Variants in THSD7A observed in about 807,000 individuals in gnomAD.
The protein encoded by THSD7A is thrombospondin type 1 domain containing 7A, also known as thrombospondin type-1 domain-containing protein 7A.
In THSD7A, 96 loss-of-function variants were observed where a neutral mutation model predicts 231.3. The ratio of observed to expected loss-of-function variants is 0.41; its 90% CI spans 0.35 to 0.49. The LOEUF (loss-of-function observed/expected upper bound fraction) is 0.49, where lower values mean the gene tolerates loss of function less well. Among genes scored for constraint, THSD7A ranks in the 20% least tolerant of loss-of-function variants. THSD7A has a pLI of 0.05. For missense variants in THSD7A, 2,290 were observed against 2,070.2 expected (o/e 1.11, Z -2.06); for synonymous variants, 940 against 743.3 (o/e 1.26, Z -4.30).
rs564326218 is a variant in THSD7A at position 11,728,507 on chromosome 7, A to G, written c.191-91546T>C. 2.6e-5 allele frequency among the ~76,000 whole-genome samples: 4 copies of G among 151,840 alleles called. 1 individual carries two copies. The highest frequency in any genetic ancestry group is 9.7e-5 in the African/African-American group (4 of 41,320). ...AAACTCAAATGAACAAGAAACTGAC[A>G]AAGCTGATTCATTTTTTCCTGGTAA... On this transcript the variant is annotated intron_variant, in intron 1 of 27. Transcript: ENST00000423059.
chr7:11,608,328 T>C (rs1780806441), intron 2 of THSD7A, among the ~76,000 whole-genome samples: 1 of 152,212 alleles, frequency 6.6e-6, no homozygotes, highest in Non-Finnish European at 1.5e-5. Flanking sequence ...AAAGATGTTT[T>C]AGATATCAAT....
At chr7:11,536,356 C>T (rs1014621891) in intron 6 of THSD7A, among the ~76,000 whole-genome samples, 4 of 152,078 alleles carry the variant, frequency 2.6e-5, no homozygotes, top group Non-Finnish European at 5.9e-5. Flanking sequence ...CCCATGTGAT[C>T]CCTTTCACTG....
intron 2 of THSD7A, among the ~76,000 whole-genome samples, chr7:11,600,752 C>T (rs570746670): frequency 4.6e-5 from 7 of 152,270 alleles, no homozygotes; most frequent in African/African-American, 7.2e-5. Context: ...TGGTAATCAA[C>T]CATAGAGATG....
At chr7:11,408,684 A>ACAT (rs1320161967) in intron 19 of THSD7A, among the ~76,000 whole-genome samples, 1 of 152,184 alleles carries the variant, frequency 6.6e-6, no homozygotes, top group Non-Finnish European at 1.5e-5. Context: ...TTATTTTGAA[A>ACAT]CATTACGTTG....
chr7:11,821,131 C>T, intron 1 of THSD7A: 1 of 1,076,944 alleles, frequency 9.3e-7, no homozygotes, highest in African/African-American at 1.6e-5. Context: ...CTCAGTTCCT[C>T]TATTTAGGTA....
intron 4 of THSD7A, among the ~76,000 whole-genome samples, chr7:11,584,258 C>T (rs1016153596): frequency 1.3e-5 from 2 of 151,970 alleles, no homozygotes; most frequent in African/African-American, 4.8e-5. Context: ...TTTAAAACAA[C>T]ATTGGAAAAA....
At chr7:11,742,234 A>T (rs1477374883) in intron 1 of THSD7A, among the ~76,000 whole-genome samples, 1 of 151,986 alleles carries the variant, frequency 6.6e-6, no homozygotes, top group Non-Finnish European at 1.5e-5. Context: ...ATATGATCAT[A>T]TTCAACAGTC....
chr7:11,713,527 T>C (rs1359129313), intron 1 of THSD7A, among the ~76,000 whole-genome samples: 1 of 151,242 alleles, frequency 6.6e-6, no homozygotes, highest in Non-Finnish European at 1.5e-5. Flanking sequence ...CATAAGTAGG[T>C]ATACACAGAA....
chr7:11,823,946 A>G (rs1488031903), intron 1 of THSD7A, among the ~76,000 whole-genome samples: 3 of 152,050 alleles, frequency 2.0e-5, no homozygotes, highest in African/African-American at 7.2e-5. Context: ...ACAAGATATA[A>G]ACAGTAGTGT....
chr7:11,510,507 T>C (rs911513629), intron 6 of THSD7A, among the ~76,000 whole-genome samples: 2 of 152,050 alleles, frequency 1.3e-5, no homozygotes, highest in Non-Finnish European at 2.9e-5. Flanking sequence ...CTGAGGAACA[T>C]CGATGAAAAA....
At chr7:11,398,361 G>T (rs993520201) in intron 23 of THSD7A, among the ~76,000 whole-genome samples, 2 of 152,008 alleles carry the variant, frequency 1.3e-5, no homozygotes, top group African/African-American at 4.8e-5. Flanking sequence ...ACAGGGAGGG[G>T]AACATCACAC....
intron 4 of THSD7A, among the ~76,000 whole-genome samples, chr7:11,549,660 A>G (rs756673484): frequency 5.3e-5 from 8 of 152,174 alleles, no homozygotes; most frequent in Non-Finnish European, 1.2e-4. Flanking sequence ...CATTATTCTC[A>G]GCAAACTAAC....
chr7:11,536,466 A>T (rs1788919306), intron 6 of THSD7A, among the ~76,000 whole-genome samples: 1 of 152,140 alleles, frequency 6.6e-6, no homozygotes, highest in Non-Finnish European at 1.5e-5. Context: ...AATATGGAGA[A>T]TTGGAAGTTT....
intron 1 of THSD7A, among the ~76,000 whole-genome samples, chr7:11,762,743 A>G (rs1364741665): frequency 6.6e-6 from 1 of 152,136 alleles, no homozygotes; most frequent in South Asian, 2.1e-4. Flanking sequence ...TAATTTATTT[A>G]AGTCCCATAT....
chr7:11,698,264 A>G (rs1405321), intron 1 of THSD7A, among the ~76,000 whole-genome samples: 21,446 of 151,346 alleles, frequency 0.14, 1,632 homozygotes, highest in Admixed American at 0.19. Flanking sequence ...AGAAAATATG[A>G]TCGTGGTAGA....
chr7:11,639,837 A>T (rs573415884), intron 1 of THSD7A, among the ~76,000 whole-genome samples: 94 of 152,192 alleles, frequency 6.2e-4, no homozygotes, highest in Non-Finnish European at 9.0e-4. Context: ...TCCCTAAAAC[A>T]ACTATGAAAC....
At chr7:11,773,932 C>T (rs1223462589) in intron 1 of THSD7A, among the ~76,000 whole-genome samples, 3 of 152,118 alleles carry the variant, frequency 2.0e-5, no homozygotes, top group African/African-American at 7.2e-5. Flanking sequence ...CAGAAATACA[C>T]ACACAGACAC....
chr7:11,473,186 C>T (rs879333108), intron 8 of THSD7A, among the ~76,000 whole-genome samples: 2 of 152,106 alleles, frequency 1.3e-5, no homozygotes, highest in Admixed American at 6.6e-5. Flanking sequence ...ATGTCTGGAA[C>T]CCTGGCCAGA....
chr7:11,379,566 A>G (rs1013343821), intron 25 of THSD7A, 64 bp downstream of exon 25: 8 of 1,404,414 alleles, frequency 5.7e-6, no homozygotes, highest in South Asian at 1.2e-5. Context: ...GATAAACTGC[A>G]TAAGAGACAG....
Sources: allele counts gnomAD v4.1 joint callset (sites outside exome capture counted in the v4.1 genomes callset), GRCh38; gene constraint gnomAD v4.1.1; transcripts MANE v1.5; gene names NCBI Gene and HGNC (gene_info 2026-07-23, HGNC 2026-07-21).